The following NRG3 variants were observed in gnomAD, a reference collection of about 807,000 sequenced individuals.
NRG3 encodes neuregulin 3.
A neutral mutation model predicts 66.9 loss-of-function variants in NRG3; 31 were observed. The observed-to-expected ratio is 0.46, with a 90% CI of 0.35 to 0.63. The LOEUF is 0.63. Ranked by LOEUF, NRG3 falls within the 20% of genes least tolerant of loss-of-function variation. The pLI, the probability that NRG3 is intolerant of heterozygous loss-of-function variation, is 0.00. For synonymous variants in NRG3, 393 were observed against 359.4 expected, an observed-to-expected ratio of 1.09 and a Z score of -1.06; for missense variants, 910 against 878.9, an observed-to-expected ratio of 1.04 and a Z score of -0.45.
intron 2 of NRG3, among the ~76,000 whole-genome samples, chr10:82,699,425 G>A (rs1011507879): frequency 2.0e-5 from 3 of 151,968 alleles, no homozygotes; most frequent in Admixed American, 6.6e-5. Flanking sequence ...TATTTTTAAC[G>A]TTCTTTAGCT....
intron 1 of NRG3, among the ~76,000 whole-genome samples, chr10:82,338,209 A>G (rs1224856471): frequency 6.6e-6 from 1 of 152,342 alleles, no homozygotes; most frequent in Admixed American, 6.5e-5. Flanking sequence ...TAGGTAGTGC[A>G]CTTGTGAGAT....
intron 4 of NRG3, among the ~76,000 whole-genome samples, chr10:82,917,950 T>TTGTG (rs375123841): frequency 0.12 from 14,780 of 121,522 alleles, 1,066 homozygotes; most frequent in Middle Eastern, 0.2. Context: ...GTATGTGGGA[T>TTGTG]TGTGTGTGTG....
chr10:82,175,141 T>A (rs1338069352), intron 1 of NRG3, among the ~76,000 whole-genome samples: 1 of 152,138 alleles, frequency 6.6e-6, no homozygotes, highest in Non-Finnish European at 1.5e-5. Flanking sequence ...CCCATCACTT[T>A]CTGTCATCCT....
At chr10:82,150,458 GGTTT>G (rs1452676763) in intron 1 of NRG3, among the ~76,000 whole-genome samples, 2 of 132,584 alleles carry the variant, frequency 1.5e-5, no homozygotes, top group African/African-American at 2.9e-5. Context: ...ACTTTTCATT[GGTTT>G]GTTTGTTTAA....
intron 1 of NRG3, among the ~76,000 whole-genome samples, chr10:82,101,871 G>C (rs1000566191): frequency 6.6e-6 from 1 of 150,928 alleles, no homozygotes; most frequent in Admixed American, 6.6e-5. Flanking sequence ...TATTGTTGCT[G>C]ATTTTCTGTA....
At chr10:82,954,296 A>C (rs1849820127) in intron 5 of NRG3, among the ~76,000 whole-genome samples, 1 of 151,988 alleles carries the variant, frequency 6.6e-6, no homozygotes, top group Non-Finnish European at 1.5e-5. Context: ...AGATCATGGT[A>C]ATTATGAAAG....
rs550795380 is a variant in NRG3 at position 82,221,323 on chromosome 10, TTG to T, written c.824-137412_824-137411del. 1.1e-3 allele frequency among the ~76,000 whole-genome samples: 161 copies of T among 152,156 alleles called. 1 individual carries two copies. Among genetic ancestry groups the T allele is most frequent in the Non-Finnish European group, 1.8e-3 (122 of 67,986 alleles). ...AAAGTCAAAAGCAGTCATTCCAAAT[TTG>T]TGTCTTATATATTCTCTCAGACTTT... On this transcript the variant is annotated intron_variant, in intron 1 of 8. Coordinates refer to ENST00000372141, the MANE Select transcript of NRG3 (RefSeq NM_001010848.4).
chr10:82,123,948 A>T (rs1257231656), intron 1 of NRG3, among the ~76,000 whole-genome samples: 1 of 151,922 alleles, frequency 6.6e-6, no homozygotes, highest in Non-Finnish European at 1.5e-5. Context: ...GATACTCAGG[A>T]CTGCCCCGCT....
intron 3 of NRG3, among the ~76,000 whole-genome samples, chr10:82,758,306 A>G (rs1389959121): frequency 2.0e-5 from 3 of 152,094 alleles, no homozygotes; most frequent in Non-Finnish European, 4.4e-5. Context: ...CAAGTTTTGG[A>G]GAGCATTTTA....
At chr10:81,877,029 G>A (rs1166305308) in intron 1 of NRG3, among the ~76,000 whole-genome samples, 3 of 152,248 alleles carry the variant, frequency 2.0e-5, no homozygotes, top group African/African-American at 7.2e-5. Context: ...ATATAGACGA[G>A]TTGAGAGTTT....
chr10:81,885,039 C>A (rs1842510345), intron 1 of NRG3, among the ~76,000 whole-genome samples: 1 of 152,168 alleles, frequency 6.6e-6, no homozygotes, highest in Admixed American at 6.5e-5. Context: ...ATTCCTCTTG[C>A]ATAACTAAAT....
At chr10:82,030,751 G>T (rs2062532327) in intron 1 of NRG3, among the ~76,000 whole-genome samples, 2 of 150,222 alleles carry the variant, frequency 1.3e-5, no homozygotes, top group African/African-American at 4.9e-5. Context: ...AGGGCAGGAA[G>T]GAGAAAATGA....
chr10:82,070,696 T>C (rs2064756795), intron 1 of NRG3, among the ~76,000 whole-genome samples: 1 of 152,124 alleles, frequency 6.6e-6, no homozygotes, highest in South Asian at 2.1e-4. Context: ...AGGATATGAC[T>C]AGGCAGGTCA....
chr10:81,955,895 C>G (rs1589588817), intron 1 of NRG3, among the ~76,000 whole-genome samples: 1 of 152,136 alleles, frequency 6.6e-6, no homozygotes, highest in African/African-American at 2.4e-5. Context: ...GTAATAGACA[C>G]CGTAAGCTTT....
chr10:82,023,755 G>A (rs6584471), intron 1 of NRG3, among the ~76,000 whole-genome samples: 74,560 of 151,784 alleles, frequency 0.49, 19,285 homozygotes, highest in South Asian at 0.66. Flanking sequence ...TTGCATGATG[G>A]AATTTTGTTG....
chr10:81,987,332 G>C (rs1281059259), intron 1 of NRG3, among the ~76,000 whole-genome samples: 1 of 152,174 alleles, frequency 6.6e-6, no homozygotes, highest in Non-Finnish European at 1.5e-5. Context: ...TGATCCGCCT[G>C]CTTCAGCCTC....
chr10:82,359,882 C>T (rs534933379), intron 2 of NRG3, among the ~76,000 whole-genome samples: 2 of 152,152 alleles, frequency 1.3e-5, no homozygotes, highest in East Asian at 3.9e-4. Flanking sequence ...TAGTTATGAA[C>T]TTAGAACATG....
chr10:82,257,961 T>G (rs933981578), intron 1 of NRG3, among the ~76,000 whole-genome samples: 2 of 152,178 alleles, frequency 1.3e-5, no homozygotes, highest in Non-Finnish European at 2.9e-5. Context: ...AACTCTCTCC[T>G]CCTTGGTGTC....
At chr10:82,834,334 C>T (rs781353589) in intron 3 of NRG3, among the ~76,000 whole-genome samples, 38 of 152,160 alleles carry the variant, frequency 2.5e-4, no homozygotes, top group Non-Finnish European at 5.1e-4. Context: ...CTAAGCCGTT[C>T]ACTCCTGAGA....
Sources: gnomAD v4.1 joint callset for allele counts (sites outside exome capture counted in the v4.1 genomes callset) on GRCh38, gnomAD v4.1.1 for gene constraint, MANE v1.5 for transcripts, NCBI Gene and HGNC (gene_info 2026-07-23, HGNC 2026-07-21) for gene names.